The following TTN variants were observed in gnomAD, a reference collection of about 807,000 sequenced individuals.
TTN encodes the protein titin, also known as connectin.
In TTN, 1,525 loss-of-function variants were observed where a neutral mutation model predicts 3,223.0. That is an observed-to-expected ratio of 0.47 (90% CI 0.45 to 0.49). TTN has a LOEUF of 0.49. TTN is among the 20% of genes least tolerant of loss of function. The pLI is 0.00. For missense variants in TTN, 40,786 were observed against 43,424.0 expected (o/e 0.94, Z 5.40); for synonymous variants, 14,094 against 15,161.0 (o/e 0.93, Z 5.17).
chr2:178,685,186 C>A, intron 129 of TTN, 67 bp downstream of exon 129: 1 of 1,368,862 alleles, frequency 7.3e-7, no homozygotes, highest in Non-Finnish European at 1.0e-6. Context: ...GACAGTTATG[C>A]AAATGTGAAG....
At chr2:178,640,727 GT>G in intron 220 of TTN, 97 bp from the exon 221 acceptor site, 1 of 993,142 alleles carries the variant, frequency 1.0e-6, no homozygotes, top group Non-Finnish European at 1.5e-6. Context: ...TCTATGGATG[GT>G]TTTTTAAAAA....
At position 178,723,161 on chromosome 2, in the gene TTN, C is replaced by A; in HGVS notation, c.21846G>T (p.Glu7282Asp). The change falls in exon 75 of 363, where the codon GAG becomes GAT. Residue 7282 changes from glutamate (E) to aspartate (D), a missense_variant. By Grantham distance (45) the Glu-to-Asp change is conservative (BLOSUM62 2). Coordinates refer to ENST00000589042, the MANE Select transcript of TTN (RefSeq NM_001267550.2). ...TSEKCNIVTT[E>D]KTCILEILNS... ...TCAGAATTTCCAGGATACAAGTTTT[C>A]TCTGTTGTGACTATGTTACATTTTT... 1 of 1,613,510 alleles carries A rather than the reference C, an allele frequency of 6.2e-7. No homozygotes were observed. Among genetic ancestry groups the A allele is most frequent in the African/African-American group, 1.3e-5 (1 of 74,998 alleles).
At position 178,701,179 on chromosome 2, in the gene TTN, G is replaced by A. The variant is rs754986713; in HGVS notation, c.30623C>T (p.Pro10208Leu). The change falls in exon 111 of 363, where the codon CCT (proline) becomes CTT (leucine). Residue 10208 changes from proline (P) to leucine (L), a missense_variant. By Grantham distance (98) the Pro-to-Leu change is moderately conservative. Coordinates refer to ENST00000589042, the MANE Select transcript of TTN (RefSeq NM_001267550.2). ...GGGTGTTGGTAGCAAAAGGGGGATA[G>A]GAGGAGCAACCACAGGAGGGATTTC... ...PEEIPPVVAP[P>L]IPLLLPTPEE... 1 of 1,613,504 alleles carries A rather than the reference G, an allele frequency of 6.2e-7. No homozygotes were observed. Among genetic ancestry groups the A allele is most frequent in the Middle Eastern group, 1.6e-4 (1 of 6,062 alleles).
chr2:178,753,787 TCA>T lies in TTN; in HGVS notation c.11255-609_11255-608del, dbSNP rs1005013957. 7 of 152,516 alleles carry T rather than the reference TCA, an allele frequency of 4.6e-5. No homozygotes were observed. In the East Asian group the frequency reaches 1.4e-3, roughly 29 times the overall value. 9.4% of individuals were successfully genotyped at this position (152,516 alleles called of 1,614,324 possible). On this transcript the variant is annotated intron_variant, in intron 46 of 362. Coordinates refer to ENST00000589042, the MANE Select transcript of TTN (RefSeq NM_001267550.2). Reference sequence around the variant, plus strand: ...AAAGGCTGGGGCTCTCGTATCACTCTCAGTCTTCAGTCCACGTGGTATCCTGT... The same window carrying T: ...AAAGGCTGGGGCTCTCGTATCACTCTGTCTTCAGTCCACGTGGTATCCTGT...
chr2:178,615,228 A>C, intron 259 of TTN, 79 bp downstream of exon 259: 4 of 1,518,750 alleles, frequency 2.6e-6, no homozygotes, highest in Non-Finnish European at 3.6e-6. Flanking sequence ...AAAAAGACAA[A>C]CATTTAAATT....
At chr2:178,772,914 C>G in intron 33 of TTN, 195 bp downstream of exon 33, 1 of 647,732 alleles carries the variant, frequency 1.5e-6, no homozygotes, top group Non-Finnish European at 2.6e-6. Flanking sequence ...GAGAAGGTGA[C>G]GTTTGAGGTA....
intron 302 of TTN, 30 bp from the exon 303 acceptor site, chr2:178,591,922 G>C: frequency 6.2e-7 from 1 of 1,606,080 alleles, no homozygotes; most frequent in South Asian, 1.1e-5. Context: ...TGATGAAAAA[G>C]TAATATTCTT....
In TTN at chr2:178,773,681, CTTCAATCACA is replaced by C. The variant is rs794729397; in HGVS notation, c.7365_7374del (p.Asn2455LysfsTer16). ...TTACATTCAAGCACAGCCTTGGTGC[CTTCAATCACA>C]TTAACATCTTTTAGAGGTGTTATCA... is the stretch of plus-strand genomic sequence containing the variant. On this transcript the variant is annotated frameshift_variant, in exon 32 of 363. Coordinates refer to ENST00000589042, the MANE Select transcript of TTN (RefSeq NM_001267550.2). LOFTEE classifies it high-confidence loss of function. 6.2e-7 allele frequency: 1 copy of C among 1,614,044 alleles called. No individual in the cohort carries two copies. The highest frequency in any genetic ancestry group is 8.5e-7 in the Non-Finnish European group (1 of 1,179,964).
In TTN at chr2:178,750,284, T is replaced by C. The variant is rs72647898; in HGVS notation, c.11311+2840A>G. 5 of 1,613,244 alleles carry C rather than the reference T, an allele frequency of 3.1e-6. No individual in the cohort carries two copies. The African/African-American group carries it at 5.3e-5, about 17-fold the overall frequency. ...TGGGACTTTATGTGCTTTGACATCA[T>C]GTTTTTGTTTTGCTTTCACTTTAAG... is the stretch of plus-strand genomic sequence containing the variant. On this transcript the variant is annotated intron_variant, in intron 47 of 362. Transcript: ENST00000589042.
rs201850303 is a variant in TTN at position 178,539,840 on chromosome 2, C to T, written c.98225G>A (p.Gly32742Asp). ...CATGGCACGCTTACTAATATCCTGG[C>T]CTTCCTTGGTCCATTTACATATTGG... ...PFPICKWTKEGQDISKRAMIA... is the reference protein window; with the variant it reads ...PFPICKWTKEDQDISKRAMIA... Residue 32742 changes from glycine to aspartate, a missense_variant, in exon 352 of 363, where the codon GGC (glycine) becomes GAC (aspartate). Coordinates refer to ENST00000589042, the MANE Select transcript of TTN (RefSeq NM_001267550.2). 1.9e-5 allele frequency: 30 copies of T among 1,613,830 alleles called. No individual in the cohort carries two copies. In the African/African-American group the frequency reaches 3.9e-4, roughly 21 times the overall value.
rs794729511 is a variant in TTN, at chr2:178,564,843, C to G, written c.81289G>C (p.Val27097Leu). ...DQMLVQWHEP[V>L]NDGGTKIIGY... ...ATAATTTTGGTGCCTCCATCATTCA[C>G]TGGCTCATGCCATTGCACAAGCATC... The change falls in exon 326 of 363, where the codon GTG (valine) becomes CTG (leucine). Residue 27097 changes from valine (V) to leucine (L), a missense_variant. By Grantham distance (32) the Val-to-Leu change is conservative (BLOSUM62 1). Coordinates refer to ENST00000589042, the MANE Select transcript of TTN (RefSeq NM_001267550.2). The G allele has an allele frequency of 3.1e-6, 5 of 1,613,296 alleles. No individual in the cohort carries two copies. In the African/African-American group the frequency reaches 5.3e-5, roughly 17 times the overall value.
chr2:178,597,439 T>C, intron 294 of TTN, 99 bp downstream of exon 294: 14 of 1,374,754 alleles, frequency 1.0e-5, no homozygotes, highest in Non-Finnish European at 1.4e-5. Context: ...TTTTTCTTAT[T>C]TTCCAAAATG....
Position 178,534,272 on chromosome 2 carries a change from C to G in TTN, c.102343G>C (p.Gly34115Arg). The change falls in exon 358 of 363, where the codon GGT (glycine) becomes CGT (arginine). Residue 34115 changes from glycine to arginine, a missense_variant. Coordinates refer to ENST00000589042, the MANE Select transcript of TTN (RefSeq NM_001267550.2). ...VVSAARISCG[G>R]AIRSQKGVSV... ...ACTCCCTTCTGAGATCGAATTGCAC[C>G]ACCACAGGAGATCCGGGCTGCTGAC... The G allele has an allele frequency of 6.2e-7, 1 of 1,613,894 alleles. No individual in the cohort carries two copies. The highest frequency in any genetic ancestry group is 2.2e-5 in the East Asian group (1 of 44,874).
At position 178,590,834 on chromosome 2, in the gene TTN, A is replaced by C. The variant is rs747169130; in HGVS notation, c.60891T>G (p.Ser20297=). ...AATVSWTLPK[S]DGGSPITGYY... is the part of the protein sequence containing the mutation. Reference sequence around the variant, plus strand: ...AGCCAGTTATTGGACTGCCACCATCAGATTTTGGCAGGGTCCAAGACACTG... The same window carrying C: ...AGCCAGTTATTGGACTGCCACCATCCGATTTTGGCAGGGTCCAAGACACTG... The change falls in exon 304 of 363, where the codon TCT becomes TCG. Residue 20297 remains serine, a synonymous_variant. Coordinates refer to ENST00000589042, the MANE Select transcript of TTN (RefSeq NM_001267550.2). 1.2e-6 allele frequency: 2 copies of C among 1,607,002 alleles called. No individual in the cohort carries two copies. Among genetic ancestry groups the C allele is most frequent in the African/African-American group, 2.7e-5 (2 of 74,778 alleles).
At position 178,726,014 on chromosome 2, in the gene TTN, C is replaced by G; in HGVS notation, c.20308G>C (p.Val6770Leu). Residue 6770 changes from valine (V) to leucine (L), a missense_variant, in exon 70 of 363, where the codon GTA (valine) becomes CTA (leucine). Transcript: ENST00000589042. ...ACTTCAGCATTTTTAAGGGTTTCTA[C>G]TATAGGAGGGAAGCTGCTAAAAACA... Reference protein sequence around the residue: ...PPVFSSFPPIVETLKNAEVSL... With the variant: ...PPVFSSFPPILETLKNAEVSL... 2.6e-6 allele frequency: 4 copies of G among 1,556,234 alleles called. No individual in the cohort carries two copies. Among genetic ancestry groups the G allele is most frequent in the Non-Finnish European group, 3.5e-6 (4 of 1,148,144 alleles).
chr2:178,552,909 C>T lies in TTN; in HGVS notation c.89991G>A (p.Leu29997=). 1.2e-6 allele frequency: 2 copies of T among 1,613,764 alleles called. No individual in the cohort carries two copies. Among genetic ancestry groups the T allele is most frequent in the South Asian group, 1.1e-5 (1 of 91,068 alleles). The change falls in exon 335 of 363, where the codon TTG becomes TTA. Residue 29997 remains leucine, a synonymous_variant. Coordinates refer to ENST00000589042, the MANE Select transcript of TTN (RefSeq NM_001267550.2). The part of the protein sequence containing the change: ...CSSTSFKLID[L]SEKTPFFFRV... The stretch of plus-strand genomic sequence containing the variant: ...TGAAGAAGAATGGAGTCTTCTCCGA[C>T]AAATCTATTAGCTTGAAGGATGTGC...
intron 7 of TTN, 122 bp downstream of exon 7, chr2:178,794,800 G>T: frequency 7.4e-7 from 1 of 1,353,958 alleles, no homozygotes. Context: ...TTCAGTTGCT[G>T]CTATATTTTT....
intron 143 of TTN, 121 bp from the exon 144 acceptor site, chr2:178,678,618 T>G: frequency 8.7e-7 from 1 of 1,149,580 alleles, no homozygotes; most frequent in Non-Finnish European, 1.2e-6. Flanking sequence ...AGAAGCATTT[T>G]ATTTTTAAAA....
rs1281660033 is a variant in TTN, at chr2:178,614,901, C to A, written c.48706G>T (p.Gly16236Cys). ...GTGGGTCTGCTTGGTTTGCTAGCAC[C>A]CTGCCTGTTTAAGGCCTTCACGCGG... ...AYRVKALNRQ[G>C]ASKPSRPTEE... Residue 16236 changes from glycine to cysteine, a missense_variant, in exon 260 of 363, where the codon GGT (glycine) becomes TGT (cysteine). Coordinates refer to ENST00000589042, the MANE Select transcript of TTN (RefSeq NM_001267550.2). The A allele has an allele frequency of 1.3e-6, 2 of 1,585,466 alleles. No homozygotes were observed. Among genetic ancestry groups the A allele is most frequent in the Non-Finnish European group, 1.7e-6 (2 of 1,164,466 alleles).
Sources: allele counts gnomAD v4.1 joint callset, GRCh38; gene constraint gnomAD v4.1.1; transcripts MANE v1.5; gene names NCBI Gene and HGNC (gene_info 2026-07-23, HGNC 2026-07-21).